PTPN21: variants seen among roughly 807,000 people sequenced by gnomAD.
PTPN21 encodes tyrosine-protein phosphatase non-receptor type 21.
In PTPN21, 77 loss-of-function variants were observed where a neutral mutation model predicts 131.8. That is an observed-to-expected ratio of 0.58 (90% CI 0.49 to 0.71). The LOEUF (loss-of-function observed/expected upper bound fraction) is 0.71. Among genes scored for constraint, PTPN21 ranks in the 30% least tolerant of loss-of-function variants. The pLI, the probability that PTPN21 is intolerant of heterozygous loss-of-function variation, is 0.00. For synonymous variants in PTPN21, 715 were observed against 621.3 expected (o/e 1.15, Z -2.24); for missense variants, 1,552 against 1,527.1 (o/e 1.02, Z -0.27).
rs60261948 is a variant in PTPN21 at position 88,543,884 on chromosome 14, G to A, written c.180+6354C>T. Among the ~76,000 whole-genome samples, 3,273 of 152,100 alleles carry A rather than the reference G, an allele frequency of 0.022. 180 individuals are homozygous for A. The East Asian group carries it at 0.24, about 11-fold the overall frequency. ...AGTTATGTATGAAGGCCATATATGG[G>A]AACAACAATAAAGACGCCCCAGCAT... On this transcript the variant is annotated intron_variant, in intron 2 of 18. Transcript: ENST00000556564.
At chr14:88,498,167 T>C (rs1364874843) in intron 8 of PTPN21, among the ~76,000 whole-genome samples, 1 of 151,418 alleles carries the variant, frequency 6.6e-6, no homozygotes, top group African/African-American at 2.4e-5. Flanking sequence ...TCCCAGCTAC[T>C]TGGGAGGCTG....
intron 13 of PTPN21, 89 bp downstream of exon 13, chr14:88,478,831 A>T: frequency 1.3e-6 from 1 of 794,890 alleles, no homozygotes; most frequent in Non-Finnish European, 1.8e-6. Context: ...GAACAAGAGG[A>T]GCTGAAAAAC....
intron 2 of PTPN21, among the ~76,000 whole-genome samples, chr14:88,532,534 A>T (rs1249888702): frequency 1.3e-5 from 2 of 152,256 alleles, no homozygotes; most frequent in Admixed American, 6.5e-5. Flanking sequence ...GTGTTTGAGC[A>T]ATCAAAAATA....
chr14:88,533,832 C>T (rs1431676666), intron 2 of PTPN21, among the ~76,000 whole-genome samples: 1 of 152,082 alleles, frequency 6.6e-6, no homozygotes, highest in Non-Finnish European at 1.5e-5. Flanking sequence ...GATTGAGCCA[C>T]TGCACTACAG....
In PTPN21 at chr14:88,504,519, G is replaced by C. The variant is rs1356402561; in HGVS notation, c.517-24C>G. On this transcript the variant is annotated intron_variant, in intron 5 of 18. Coordinates refer to ENST00000556564, the MANE Select transcript of PTPN21 (RefSeq NM_007039.4). ...CCCTGAAGAAAACACACAGTGGTAA[G>C]TATGTGACAATTCACCCCAATTTCT... The C allele has an allele frequency of 4.4e-6, 7 of 1,581,524 alleles. No homozygotes were observed. The African/African-American group carries it at 9.5e-5, about 21-fold the overall frequency.
Position 88,469,827 on chromosome 14 carries a change from C to T in PTPN21, c.3001-94G>A, listed in dbSNP as rs902993756. ...CATCTGAAACAGAACCACAACCCTA[C>T]CCTGCCTTTTTCTCCACAGGTCAGG... On this transcript the variant is annotated intron_variant, in intron 16 of 18. Coordinates refer to ENST00000556564, the MANE Select transcript of PTPN21 (RefSeq NM_007039.4). This position sits in a 1 kb window ranked among gnomAD's most constrained non-coding sequence, Gnocchi z 4.3. 1.6e-5 allele frequency: 25 copies of T among 1,601,076 alleles called. No individual in the cohort carries two copies. Among genetic ancestry groups the T allele is most frequent in the South Asian group, 4.4e-5 (4 of 90,760 alleles).
At chr14:88,496,096 C>T (rs1284540709) in intron 10 of PTPN21, among the ~76,000 whole-genome samples, 1 of 152,194 alleles carries the variant, frequency 6.6e-6, no homozygotes, top group African/African-American at 2.4e-5. Context: ...GGCAAAAATT[C>T]TTCAGATAGC....
rs1332154777 is a variant in PTPN21 at position 88,472,711 on chromosome 14, A to C, written c.2650-246T>G. Among the ~76,000 whole-genome samples, 4 of 152,134 alleles carry C rather than the reference A, an allele frequency of 2.6e-5. No homozygotes were observed. The East Asian group carries it at 7.7e-4, about 29-fold the overall frequency. On this transcript the variant is annotated intron_variant, in intron 14 of 18. Coordinates refer to ENST00000556564, the MANE Select transcript of PTPN21 (RefSeq NM_007039.4). ...ACAGTGAGACCCCGTCTCTGCAAAA[A>C]ATTAAAAAACGAGCCAGGTGTGGTG... is the stretch of plus-strand genomic sequence containing the variant.
At chr14:88,488,383 A>G (rs2077768396) in intron 10 of PTPN21, among the ~76,000 whole-genome samples, 1 of 152,194 alleles carries the variant, frequency 6.6e-6, no homozygotes, top group East Asian at 1.9e-4. Flanking sequence ...TACTAAGAAA[A>G]CAAACTACAA....
At chr14:88,505,206 G>A in intron 5 of PTPN21, 98 bp downstream of exon 5, 2 of 996,184 alleles carry the variant, frequency 2.0e-6, no homozygotes, top group East Asian at 2.5e-5. Flanking sequence ...TCCTATTCCT[G>A]ACAGTAAGTC....
At chr14:88,531,823 G>C (rs2078559123) in intron 2 of PTPN21, among the ~76,000 whole-genome samples, 1 of 152,098 alleles carries the variant, frequency 6.6e-6, no homozygotes, top group Middle Eastern at 3.4e-3. Context: ...CAAAAAGCTG[G>C]TTCTTTGAAA....
intron 7 of PTPN21, 67 bp from the exon 8 acceptor site, chr14:88,500,938 C>G: frequency 8.8e-7 from 1 of 1,135,402 alleles, no homozygotes; most frequent in Non-Finnish European, 1.3e-6. Context: ...GCTAGAGTTC[C>G]CTGGACTGGT....
In PTPN21 at chr14:88,550,507, T is replaced by A; in HGVS notation, c.-90A>T. 7.7e-7 allele frequency: 1 copy of A among 1,291,910 alleles called. No homozygotes were observed. Among genetic ancestry groups the A allele is most frequent in the Non-Finnish European group, 1.1e-6 (1 of 934,720 alleles). The allele number at this position is 1,291,910 out of a possible 1,614,324, so 80.0% of individuals were successfully genotyped here. ...GTGACGCCAGGAGAAAGCGATCCTC[T>A]CCGGATGGGACGAACACTGTCCGGC... is the stretch of plus-strand genomic sequence containing the variant. On this transcript the variant is annotated 5_prime_UTR_variant, in exon 2 of 19. Transcript: ENST00000556564.
intron 10 of PTPN21, chr14:88,493,205 C>T (rs766233795): frequency 2.4e-5 from 9 of 369,892 alleles, no homozygotes. Flanking sequence ...ATGCTTGACA[C>T]AGAGCAAGCA....
rs183920431 is a variant in PTPN21 at position 88,497,927 on chromosome 14, G to A, written c.765-637C>T. 4.3e-4 allele frequency among the ~76,000 whole-genome samples: 66 copies of A among 152,072 alleles called. 1 individual carries two copies. The highest frequency in any genetic ancestry group is 4.3e-3 in the Admixed American group (66 of 15,280). On this transcript the variant is annotated intron_variant, in intron 8 of 18. Coordinates refer to ENST00000556564, the MANE Select transcript of PTPN21 (RefSeq NM_007039.4). ...CTCCTGGCCAACATGGTGAAACCCT[G>A]TCTCTACTAAGAATACAAAAAAAAT... is the stretch of plus-strand genomic sequence containing the variant.
At chr14:88,507,475 C>A (rs993975787) in intron 4 of PTPN21, among the ~76,000 whole-genome samples, 3 of 152,070 alleles carry the variant, frequency 2.0e-5, no homozygotes, top group Admixed American at 2.0e-4. Context: ...TCATAGAAGC[C>A]TATACAGCAT....
chr14:88,531,662 CA>C (rs148958303), intron 2 of PTPN21, among the ~76,000 whole-genome samples: 148 of 152,132 alleles, frequency 9.7e-4, no homozygotes, highest in African/African-American at 3.5e-3. Context: ...ATGCCTGTAT[CA>C]AAAAGTCTGA....
At chr14:88,484,814 G>A (rs2140106954) in intron 12 of PTPN21, among the ~76,000 whole-genome samples, 1 of 152,230 alleles carries the variant, frequency 6.6e-6, no homozygotes, top group African/African-American at 2.4e-5. Context: ...CTTGAATCTA[G>A]GAGGTGGATG....
chr14:88,485,941 C>CA (rs374956689), intron 10 of PTPN21, 99 bp from the exon 11 acceptor site: 580 of 706,440 alleles, frequency 8.2e-4, no homozygotes, highest in South Asian at 1.8e-3. Context: ...TCTTCTCAGG[C>CA]AAAAAAAAAG....
Sources: allele counts gnomAD v4.1 joint callset (sites outside exome capture counted in the v4.1 genomes callset), GRCh38; gene constraint gnomAD v4.1.1; non-coding constraint Gnocchi (gnomAD v3.1); transcripts MANE v1.5; gene names NCBI Gene and HGNC (gene_info 2026-07-23, HGNC 2026-07-21).